The following TENM2 variants were observed in gnomAD, a reference collection of about 807,000 sequenced individuals.
The protein encoded by TENM2 is teneurin-2.
A neutral mutation model predicts 245.2 loss-of-function variants in TENM2; 52 were observed. The ratio of observed to expected loss-of-function variants is 0.21; its 90% CI spans 0.17 to 0.27. The LOEUF (loss-of-function observed/expected upper bound fraction) is 0.27. TENM2 is among the 10% of genes least tolerant of loss of function. The pLI is 1.00. For missense variants in TENM2, 3,046 were observed against 3,666.8 expected, an observed-to-expected ratio of 0.83 and a Z score of 4.37; for synonymous variants, 1,363 against 1,438.9, an observed-to-expected ratio of 0.95 and a Z score of 1.19.
chr5:167,641,744 G>C (rs1016337559), intron 2 of TENM2, among the ~76,000 whole-genome samples: 1 of 152,034 alleles, frequency 6.6e-6, no homozygotes. Context: ...CAGCTTCCTC[G>C]TCAGTAAAAA....
intron 23 of TENM2, among the ~76,000 whole-genome samples, chr5:168,225,276 T>C (rs1764056029): frequency 1.3e-5 from 2 of 152,180 alleles, no homozygotes; most frequent in South Asian, 4.1e-4. Flanking sequence ...TCCAGAGGCC[T>C]AGGAGATGAC....
intron 2 of TENM2, among the ~76,000 whole-genome samples, chr5:167,762,116 T>C: frequency 6.6e-6 from 1 of 152,198 alleles, no homozygotes. Context: ...AGTGACTAAT[T>C]TTTAGTCTCT....
chr5:167,858,710 G>A (rs1358310225), intron 2 of TENM2, among the ~76,000 whole-genome samples: 1 of 151,096 alleles, frequency 6.6e-6, no homozygotes, highest in Non-Finnish European at 1.5e-5. Context: ...ATGAAGCAGA[G>A]CCGCTGCCGC....
chr5:168,052,590 T>G (rs1789202484), intron 6 of TENM2, among the ~76,000 whole-genome samples: 1 of 152,114 alleles, frequency 6.6e-6, no homozygotes, highest in African/African-American at 2.4e-5. Context: ...AAACCCCAGA[T>G]GAGGATTTCT....
At chr5:168,197,528 A>G (rs58151545) in intron 15 of TENM2, among the ~76,000 whole-genome samples, 40,853 of 151,808 alleles carry the variant, frequency 0.27, 6,460 homozygotes, top group East Asian at 0.6. Context: ...GTGAAACCCC[A>G]TCTCTACTAA....
chr5:167,869,978 T>G (rs115108242), intron 2 of TENM2, among the ~76,000 whole-genome samples: 2,259 of 152,274 alleles, frequency 0.015, 64 homozygotes, highest in African/African-American at 0.051. Context: ...CCCCAAAGAT[T>G]TAGAGAAAAG....
chr5:168,078,381 C>T (rs1562130031), intron 7 of TENM2, among the ~76,000 whole-genome samples: 1 of 152,066 alleles, frequency 6.6e-6, no homozygotes, highest in Non-Finnish European at 1.5e-5. Flanking sequence ...CTGTAGGTTG[C>T]CAGTTCACTC....
chr5:167,698,078 T>C (rs1448717135), intron 2 of TENM2, among the ~76,000 whole-genome samples: 1 of 152,160 alleles, frequency 6.6e-6, no homozygotes, highest in Non-Finnish European at 1.5e-5. Flanking sequence ...CAGAGAGAAA[T>C]TTATCTTTTC....
At chr5:168,091,402 G>A (rs887953624) in intron 8 of TENM2, among the ~76,000 whole-genome samples, 1 of 152,264 alleles carries the variant, frequency 6.6e-6, no homozygotes, top group Non-Finnish European at 1.5e-5. Context: ...GAAAAGCGAA[G>A]TTTCAACCAA....
At chr5:167,893,340 T>C (rs1481441116) in intron 3 of TENM2, among the ~76,000 whole-genome samples, 3 of 152,210 alleles carry the variant, frequency 2.0e-5, no homozygotes, top group African/African-American at 7.2e-5. Context: ...ATGACAGATG[T>C]GAGCAAATCA....
chr5:167,392,220 T>C (rs893247585), intron 2 of TENM2, among the ~76,000 whole-genome samples: 2 of 152,100 alleles, frequency 1.3e-5, no homozygotes, highest in African/African-American at 2.4e-5. Flanking sequence ...CAAAAATAAA[T>C]AAGATAAGAG....
At chr5:167,631,201 A>G (rs1382617747) in intron 2 of TENM2, among the ~76,000 whole-genome samples, 1 of 152,182 alleles carries the variant, frequency 6.6e-6, no homozygotes, top group Non-Finnish European at 1.5e-5. Flanking sequence ...GGCGATAAGT[A>G]AACACAATTA....
the TENM2 span, among the ~76,000 whole-genome samples, chr5:167,233,941 T>TA: frequency 1.3e-5 from 2 of 151,312 alleles, no homozygotes; most frequent in East Asian, 3.9e-4. Context: ...ATGAAAATAA[T>TA]AAAAAAAAGA....
chr5:168,241,973 A>C (rs1766141293), intron 25 of TENM2, among the ~76,000 whole-genome samples: 1 of 152,128 alleles, frequency 6.6e-6, no homozygotes, highest in African/African-American at 2.4e-5. Context: ...AGATCAACAG[A>C]GATCTAGACT....
At position 167,535,207 on chromosome 5, in the gene TENM2, C is replaced by T. The variant is rs147274129; in HGVS notation, c.502+159734C>T. On this transcript the variant is annotated intron_variant, in intron 2 of 28. Transcript: ENST00000518659. ...TGGGGTTGGGGGGTATCTGCTTATA[C>T]GACACTCTAGCCACACTGTAACAGA... 4.5e-3 allele frequency among the ~76,000 whole-genome samples: 690 copies of T among 151,866 alleles called. 3 individuals carry two copies. Among genetic ancestry groups the T allele is most frequent in the Non-Finnish European group, 6.5e-3 (439 of 67,948 alleles).
rs369955307 is a variant in TENM2, at chr5:168,227,903, C to A, written c.5293C>A (p.Arg1765=). The A allele has an allele frequency of 4.4e-6, 7 of 1,591,706 alleles. No individual in the cohort carries two copies. The African/African-American group carries it at 5.4e-5, about 12-fold the overall frequency. ...CACTTACATTTTTCCAGATCAAGTT[C>A]GGAACAGCTACCAGCTCTGTAATAA... Residue 1765 remains arginine, a synonymous_variant, in exon 25 of 29, where the codon CGG becomes AGG. Coordinates refer to ENST00000518659, the Ensembl canonical transcript of TENM2.
chr5:168,249,452 A>AGG (rs1766895241), intron 27 of TENM2, among the ~76,000 whole-genome samples: 2 of 75,252 alleles, frequency 2.7e-5, no homozygotes, highest in African/African-American at 1.6e-4. Flanking sequence ...CGTTCTCTCA[A>AGG]GGTGTGTGTG....
the TENM2 span, among the ~76,000 whole-genome samples, chr5:167,232,879 T>C: frequency 6.6e-6 from 1 of 152,232 alleles, no homozygotes; most frequent in Non-Finnish European, 1.5e-5. Context: ...ACGGCTGTCC[T>C]TTATTGCATC....
intron 2 of TENM2, among the ~76,000 whole-genome samples, chr5:167,380,084 C>T (rs4869035): frequency 0.56 from 85,288 of 151,902 alleles, 25,566 homozygotes; most frequent in African/African-American, 0.79. Flanking sequence ...TTTAAAAAAA[C>T]GAAGGACACA....
Sources: allele counts gnomAD v4.1 joint callset (sites outside exome capture counted in the v4.1 genomes callset), GRCh38; gene constraint gnomAD v4.1.1; transcripts MANE v1.5; gene names NCBI Gene and HGNC (gene_info 2026-07-23, HGNC 2026-07-21).